TNPO3: variants seen among roughly 807,000 people sequenced by gnomAD.
TNPO3 encodes transportin-3.
TNPO3 carries 65 observed loss-of-function variants against 122.8 expected under a neutral mutation model. The observed-to-expected ratio is 0.53, with a 90% CI of 0.43 to 0.65. The LOEUF is 0.65. TNPO3 is among the 30% of genes least tolerant of loss of function. The pLI, the probability that TNPO3 is intolerant of heterozygous loss-of-function variation, is 0.00. For synonymous variants in TNPO3, 372 were observed against 411.2 expected (o/e 0.90, Z 1.15); for missense variants, 850 against 1,136.7 (o/e 0.75, Z 3.63).
intron 5 of TNPO3, among the ~76,000 whole-genome samples, chr7:129,001,798 C>T (rs925023946): frequency 3.3e-5 from 5 of 152,190 alleles, no homozygotes; most frequent in South Asian, 2.1e-4. Flanking sequence ...AAGTCATGGT[C>T]GTATCATTTC....
chr7:128,995,302 C>T (rs1801187894), intron 8 of TNPO3, among the ~76,000 whole-genome samples: 1 of 152,092 alleles, frequency 6.6e-6, no homozygotes, highest in Non-Finnish European at 1.5e-5. Flanking sequence ...TGTATCTTTC[C>T]TATTCTGACA....
chr7:128,957,940 G>A (rs1797056701), intron 21 of TNPO3, among the ~76,000 whole-genome samples: 1 of 152,072 alleles, frequency 6.6e-6, no homozygotes, highest in Admixed American at 6.6e-5. Context: ...AGCAGGAGAT[G>A]CCTATGTGAT....
chr7:129,017,080 T>C (rs1803935929), intron 2 of TNPO3, 24 bp from the exon 3 acceptor site: 2 of 1,584,888 alleles, frequency 1.3e-6, no homozygotes, highest in Non-Finnish European at 1.7e-6. Context: ...ATTAAATAAA[T>C]GAAGACAGAT....
intron 11 of TNPO3, among the ~76,000 whole-genome samples, chr7:128,988,488 A>G (rs1033020185): frequency 6.6e-6 from 1 of 152,146 alleles, no homozygotes; most frequent in African/African-American, 2.4e-5. Context: ...GTGATTCCCA[A>G]ATTGGGTGTT....
At chr7:128,974,069 G>T (rs959685669) in intron 18 of TNPO3, among the ~76,000 whole-genome samples, 7 of 151,546 alleles carry the variant, frequency 4.6e-5, no homozygotes, top group African/African-American at 9.7e-5. Flanking sequence ...AACTACTCGG[G>T]AGGCTGAGGT....
intron 7 of TNPO3, among the ~76,000 whole-genome samples, chr7:128,999,635 G>A (rs1004187889): frequency 6.7e-6 from 1 of 148,916 alleles, no homozygotes; most frequent in African/African-American, 2.5e-5. Flanking sequence ...TTTTTGAGAC[G>A]GAGTTTCGCT....
chr7:128,976,830 T>C (rs560519307), intron 16 of TNPO3, among the ~76,000 whole-genome samples: 7 of 152,354 alleles, frequency 4.6e-5, no homozygotes, highest in Admixed American at 4.6e-4. Flanking sequence ...GCATATGCCA[T>C]GGAATGAGCA....
intron 8 of TNPO3, among the ~76,000 whole-genome samples, chr7:128,996,670 G>A (rs1381396575): frequency 6.9e-6 from 1 of 145,208 alleles, no homozygotes; most frequent in Non-Finnish European, 1.5e-5. Flanking sequence ...GTGAACCCAG[G>A]AGGCAGAGTT....
intron 14 of TNPO3, 106 bp downstream of exon 14, chr7:128,982,141 AG>A: frequency 1.1e-6 from 1 of 892,588 alleles, no homozygotes; most frequent in African/African-American, 1.7e-5. Context: ...CTCCAAACAT[AG>A]GGAGATACTT....
rs1420950018 is a variant in TNPO3 at position 128,979,007 on chromosome 7, T to C, written c.2037A>G (p.Ala679=). 1.9e-6 allele frequency: 3 copies of C among 1,614,156 alleles called. No homozygotes were observed. The South Asian group carries it at 3.3e-5, about 18-fold the overall frequency. The stretch of plus-strand genomic sequence containing the variant: ...CCTGTGTGACTAGTGGCTGCAGCAG[T>C]GCTGCAGATCCTTTGCCTACACAGC... ...AVRCVGKGSA[A]LLQPLVTQMV... Residue 679 remains alanine, a synonymous_variant, in exon 16 of 23, where the codon GCA becomes GCG. Coordinates refer to ENST00000265388, the MANE Select transcript of TNPO3 (RefSeq NM_012470.4).
intron 8 of TNPO3, among the ~76,000 whole-genome samples, chr7:128,995,605 A>T (rs1357532786): frequency 7.9e-5 from 12 of 152,240 alleles, no homozygotes; most frequent in Admixed American, 7.8e-4. Flanking sequence ...AGCAAAGGCA[A>T]AAAAGGGATC....
chr7:128,987,943 A>G (rs1052815153), intron 11 of TNPO3, among the ~76,000 whole-genome samples: 1 of 152,068 alleles, frequency 6.6e-6, no homozygotes, highest in Non-Finnish European at 1.5e-5. Context: ...CAAACTGTGA[A>G]AAAGTGGAAA....
intron 21 of TNPO3, among the ~76,000 whole-genome samples, chr7:128,957,736 A>T (rs571052782): frequency 6.6e-6 from 1 of 152,368 alleles, no homozygotes; most frequent in East Asian, 1.9e-4. Context: ...GGCTGCTACA[A>T]CAACACTTGG....
At chr7:128,988,850 G>C (rs555315576) in intron 11 of TNPO3, among the ~76,000 whole-genome samples, 2 of 152,132 alleles carry the variant, frequency 1.3e-5, no homozygotes, top group African/African-American at 4.8e-5. Context: ...AGGCTGAGGC[G>C]GGCAGATTAC....
intron 1 of TNPO3, among the ~76,000 whole-genome samples, chr7:129,050,467 A>G (rs1264594980): frequency 1.3e-5 from 2 of 151,952 alleles, no homozygotes; most frequent in Non-Finnish European, 2.9e-5. Flanking sequence ...TTAAATAAAT[A>G]AAAGGGTCAA....
At chr7:128,957,189 A>C in intron 22 of TNPO3, 35 bp downstream of exon 22, 111 of 1,482,730 alleles carry the variant, frequency 7.5e-5, no homozygotes, top group Non-Finnish European at 9.6e-5. Flanking sequence ...ACAGTCCGAC[A>C]GTCCGGACAA....
chr7:129,045,493 C>A (rs1453137901), intron 1 of TNPO3, among the ~76,000 whole-genome samples: 2 of 145,422 alleles, frequency 1.4e-5, no homozygotes, highest in African/African-American at 5.1e-5. Flanking sequence ...AAGACCCTGT[C>A]TCAGAAAAAA....
At chr7:129,008,427 C>T (rs887041397) in intron 4 of TNPO3, among the ~76,000 whole-genome samples, 7 of 151,624 alleles carry the variant, frequency 4.6e-5, no homozygotes, top group Admixed American at 4.0e-4. Flanking sequence ...GAAAATGTCA[C>T]AAATATGGTT....
chr7:129,015,253 G>A, intron 3 of TNPO3, 118 bp from the exon 4 acceptor site: 3 of 992,134 alleles, frequency 3.0e-6, no homozygotes, highest in South Asian at 1.6e-5. Context: ...CACTGTTAAG[G>A]GGGAGAAAAA....
Sources: gnomAD v4.1 joint callset for allele counts (sites outside exome capture counted in the v4.1 genomes callset) on GRCh38, gnomAD v4.1.1 for gene constraint, MANE v1.5 for transcripts, NCBI Gene and HGNC (gene_info 2026-07-23, HGNC 2026-07-21) for gene names.